Variants in POU6F2 observed in about 807,000 individuals in gnomAD.
The protein encoded by POU6F2 is POU domain, class 6, transcription factor 2.
A neutral mutation model predicts 71.3 loss-of-function variants in POU6F2; 31 were observed. That is an observed-to-expected ratio of 0.43 (90% CI 0.33 to 0.59). The LOEUF is 0.59. Among genes scored for constraint, POU6F2 ranks in the 20% least tolerant of loss-of-function variants. POU6F2 has a pLI of 0.04. For missense variants in POU6F2, 783 were observed against 856.8 expected (o/e 0.91, Z 1.07); for synonymous variants, 347 against 355.7 (o/e 0.98, Z 0.27).
At chr7:39,376,097 G>A (rs920269111) in intron 5 of POU6F2, among the ~76,000 whole-genome samples, 2 of 152,084 alleles carry the variant, frequency 1.3e-5, no homozygotes, top group Non-Finnish European at 2.9e-5. Flanking sequence ...ATCCCACTTA[G>A]CACAATGCTG....
At chr7:39,199,241 T>C (rs1451256309) in intron 2 of POU6F2, among the ~76,000 whole-genome samples, 1 of 152,242 alleles carries the variant, frequency 6.6e-6, no homozygotes, top group Non-Finnish European at 1.5e-5. Context: ...TTTGCAGTTC[T>C]GTTCCTTTCT....
At chr7:39,429,720 C>T (rs560269211) in intron 6 of POU6F2, among the ~76,000 whole-genome samples, 119 of 152,182 alleles carry the variant, frequency 7.8e-4, no homozygotes, top group Non-Finnish European at 1.4e-3. Context: ...CAGGACTTCT[C>T]CTAGCAGTAA....
intron 2 of POU6F2, among the ~76,000 whole-genome samples, chr7:39,193,189 C>T (rs1194539686): frequency 6.6e-6 from 1 of 152,074 alleles, no homozygotes; most frequent in Non-Finnish European, 1.5e-5. Flanking sequence ...GCACTTAGCT[C>T]ATTATTAACA....
intron 5 of POU6F2, among the ~76,000 whole-genome samples, chr7:39,389,511 A>T (rs534562310): frequency 6.6e-6 from 1 of 152,330 alleles, no homozygotes; most frequent in East Asian, 1.9e-4. Context: ...GTTGTGAAGG[A>T]TAGCAATTGA....
At chr7:39,415,326 C>G (rs1562821439) in intron 6 of POU6F2, among the ~76,000 whole-genome samples, 1 of 152,180 alleles carries the variant, frequency 6.6e-6, no homozygotes, top group Non-Finnish European at 1.5e-5. Context: ...CCTGCCCCAT[C>G]TTTTTAATTT....
At chr7:39,252,547 G>A (rs568498590) in intron 4 of POU6F2, among the ~76,000 whole-genome samples, 12 of 152,240 alleles carry the variant, frequency 7.9e-5, no homozygotes, top group African/African-American at 2.6e-4. Flanking sequence ...CCCAAAGCAT[G>A]TTTGAGGGTT....
At chr7:39,194,794 C>T (rs1793748186) in intron 2 of POU6F2, among the ~76,000 whole-genome samples, 1 of 152,332 alleles carries the variant, frequency 6.6e-6, no homozygotes, top group Middle Eastern at 3.4e-3. Context: ...CGAAGGTCTG[C>T]AGCTTCACTC....
At chr7:39,397,901 C>G (rs1036164140) in intron 5 of POU6F2, among the ~76,000 whole-genome samples, 23 of 149,930 alleles carry the variant, frequency 1.5e-4, no homozygotes, top group African/African-American at 5.7e-4. Context: ...TCACTGCAAC[C>G]TCCGCCTCCC....
intron 7 of POU6F2, among the ~76,000 whole-genome samples, chr7:39,442,506 G>C (rs906471809): frequency 6.6e-6 from 1 of 152,104 alleles, no homozygotes; most frequent in African/African-American, 2.4e-5. Context: ...TTCTTCCTCA[G>C]CTTTATCCCA....
chr7:39,336,334 T>C (rs1450924970), intron 4 of POU6F2, among the ~76,000 whole-genome samples: 1 of 152,180 alleles, frequency 6.6e-6, no homozygotes, highest in African/African-American at 2.4e-5. Context: ...GAGCCTGGCA[T>C]CCACTCCTCT....
chr7:39,036,333 A>T (rs897302203), intron 1 of POU6F2, among the ~76,000 whole-genome samples: 1 of 152,196 alleles, frequency 6.6e-6, no homozygotes. Context: ...TACCGAAAAT[A>T]GTCTTTTAGA....
intron 7 of POU6F2, among the ~76,000 whole-genome samples, chr7:39,441,913 G>T (rs1253123992): frequency 6.6e-6 from 1 of 152,184 alleles, no homozygotes; most frequent in Non-Finnish European, 1.5e-5. Flanking sequence ...AAGTCAGAAA[G>T]CTGTATAATG....
chr7:39,198,944 G>A (rs112279657), intron 2 of POU6F2, among the ~76,000 whole-genome samples: 7 of 152,326 alleles, frequency 4.6e-5, no homozygotes, highest in African/African-American at 7.2e-5. Context: ...CCAACTGTCC[G>A]TCTTAGAATA....
rs1248434463 is a variant in POU6F2 at position 39,467,302 on chromosome 7, A to C, written c.*2616A>C. On this transcript the variant is annotated 3_prime_UTR_variant, in exon 10 of 10. Transcript: ENST00000518318. ...TAAAAAGGTGCCTGAACCGATTCTT[A>C]GGAATATAAATTATACTGTGTAACT... is the stretch of plus-strand genomic sequence containing the variant. 2.0e-5 allele frequency: 3 copies of C among 152,220 alleles called. No homozygotes were observed. Among genetic ancestry groups the C allele is most frequent in the Non-Finnish European group, 4.4e-5 (3 of 68,032 alleles). 9.4% of individuals were successfully genotyped at this position (152,220 alleles called of 1,614,324 possible).
At chr7:39,037,632 G>C (rs1254069978) in intron 1 of POU6F2, among the ~76,000 whole-genome samples, 1 of 151,952 alleles carries the variant, frequency 6.6e-6, no homozygotes, top group African/African-American at 2.4e-5. Context: ...AAGAGATACA[G>C]GATCTTACTC....
At chr7:39,032,082 A>G (rs1283605680) in intron 1 of POU6F2, among the ~76,000 whole-genome samples, 1 of 152,218 alleles carries the variant, frequency 6.6e-6, no homozygotes, top group African/African-American at 2.4e-5. Flanking sequence ...ACCTTTCTCC[A>G]AAATGTTTAC....
chr7:39,009,281 A>T (rs1250908772), intron 1 of POU6F2, among the ~76,000 whole-genome samples: 2 of 151,526 alleles, frequency 1.3e-5, no homozygotes, highest in African/African-American at 2.4e-5. Context: ...TTCTCTTTGA[A>T]GCAATTGTGA....
chr7:39,261,333 C>T (rs1246954596), intron 4 of POU6F2, among the ~76,000 whole-genome samples: 1 of 152,228 alleles, frequency 6.6e-6, no homozygotes, highest in African/African-American at 2.4e-5. Context: ...TCTCTGTTAA[C>T]TCCTTAGGTC....
At chr7:39,414,591 G>T (rs911877342) in intron 6 of POU6F2, among the ~76,000 whole-genome samples, 13 of 152,222 alleles carry the variant, frequency 8.5e-5, no homozygotes, top group Admixed American at 5.2e-4. Flanking sequence ...CTTTGCTGCG[G>T]GGCGGCCCAG....
Sources: allele counts gnomAD v4.1 joint callset (sites outside exome capture counted in the v4.1 genomes callset), GRCh38; gene constraint gnomAD v4.1.1; transcripts MANE v1.5; gene names NCBI Gene and HGNC (gene_info 2026-07-23, HGNC 2026-07-21).